PCDHA7: variants seen among roughly 807,000 people sequenced by gnomAD.
PCDHA7 encodes the protein protocadherin alpha-7.
In PCDHA7, 37 loss-of-function variants were observed where a neutral mutation model predicts 57.2. The ratio of observed to expected loss-of-function variants is 0.65; its 90% CI spans 0.50 to 0.85. The LOEUF (loss-of-function observed/expected upper bound fraction) is 0.85. Ranked by LOEUF, PCDHA7 falls within the 40% of genes least tolerant of loss-of-function variation. The probability of loss-of-function intolerance (pLI) is 0.00; values close to 1 mark genes in which losing one functional copy is unlikely to be tolerated. For missense variants in PCDHA7, 1,188 were observed against 1,241.8 expected (o/e 0.96, Z 0.65); for synonymous variants, 553 against 558.8 (o/e 0.99, Z 0.15).
intron 1 of PCDHA7, chr5:140,884,087 CT>C (rs782425411): frequency 6.2e-7 from 1 of 1,613,564 alleles, no homozygotes; most frequent in South Asian, 1.1e-5. Context: ...CAATGCGTGG[CT>C]TTCGTATGAA....
Position 141,010,554 on chromosome 5 carries a change from C to G in PCDHA7, c.*617C>G. On this transcript the variant is annotated 3_prime_UTR_variant, in exon 4 of 4. Transcript: ENST00000525929. ...CACCCTCTAGGAGACAAAACTACCC[C>G]CACTGACAAGGCTTTAGGAGACCCT... The G allele has an allele frequency of 3.1e-6, 1 of 322,198 alleles. No individual in the cohort carries two copies. The highest frequency in any genetic ancestry group is 9.3e-4 in the Middle Eastern group (1 of 1,074). 20.0% of individuals were successfully genotyped at this position (322,198 alleles called of 1,614,324 possible).
chr5:140,953,002 T>C (rs1019745922), intron 1 of PCDHA7, among the ~76,000 whole-genome samples: 5 of 152,142 alleles, frequency 3.3e-5, no homozygotes, highest in African/African-American at 1.2e-4. Flanking sequence ...ACTCTCTCAC[T>C]ATTATGAGAA....
intron 1 of PCDHA7, among the ~76,000 whole-genome samples, chr5:140,914,843 A>G (rs1269507537): frequency 6.6e-6 from 1 of 152,142 alleles, no homozygotes; most frequent in Non-Finnish European, 1.5e-5. Context: ...CAAACACACA[A>G]AAGGAAGACT....
chr5:140,862,862 C>T (rs782494104), intron 1 of PCDHA7: 1 of 507,446 alleles, frequency 2.0e-6, no homozygotes, highest in African/African-American at 3.1e-5. Flanking sequence ...AGCAATGTGA[C>T]GCTGCCAGGT....
At chr5:140,888,011 A>G (rs1554183291) in intron 1 of PCDHA7, among the ~76,000 whole-genome samples, 1 of 152,138 alleles carries the variant, frequency 6.6e-6, no homozygotes, top group African/African-American at 2.4e-5. Flanking sequence ...TCATCTTTTT[A>G]TCTATATGTT....
chr5:140,956,733 C>A (rs1412191742), intron 1 of PCDHA7, among the ~76,000 whole-genome samples: 1 of 152,172 alleles, frequency 6.6e-6, no homozygotes, highest in Non-Finnish European at 1.5e-5. Flanking sequence ...ACCAGCTCCT[C>A]TTTGTACCTC....
Position 140,842,885 on chromosome 5 carries a change from C to T in PCDHA7, c.2355+6147C>T. 2 of 1,594,162 alleles carry T rather than the reference C, an allele frequency of 1.3e-6. 1 individual carries two copies. The highest frequency in any genetic ancestry group is 1.7e-6 in the Non-Finnish European group (2 of 1,165,432). On this transcript the variant is annotated intron_variant, in intron 1 of 3. Coordinates refer to ENST00000525929, the MANE Select transcript of PCDHA7 (RefSeq NM_018910.3). Reference sequence around the variant, plus strand: ...GAGCGGCAAGGTGTACGCGCTGCAGCCGCTGGACCACGAGGAGCTAGAGCT... The same window carrying T: ...GAGCGGCAAGGTGTACGCGCTGCAGTCGCTGGACCACGAGGAGCTAGAGCT...
chr5:140,985,901 G>A (rs995663051), intron 3 of PCDHA7, among the ~76,000 whole-genome samples: 3 of 151,818 alleles, frequency 2.0e-5, no homozygotes, highest in Non-Finnish European at 2.9e-5. Flanking sequence ...CACCACTCCC[G>A]TCTAATTTTT....
intron 3 of PCDHA7, among the ~76,000 whole-genome samples, chr5:141,006,502 C>T (rs987435396): frequency 1.8e-4 from 28 of 152,118 alleles, no homozygotes; most frequent in African/African-American, 2.9e-4. Context: ...TGTGAGCCAC[C>T]GCGCCTGGCT....
At chr5:140,869,884 G>T in intron 1 of PCDHA7, 1 of 1,610,394 alleles carries the variant, frequency 6.2e-7, no homozygotes, top group Non-Finnish European at 8.5e-7. Flanking sequence ...AGAAACTCTT[G>T]TGCTCAAACT....
chr5:140,976,702 A>G (rs782610534), intron 1 of PCDHA7, among the ~76,000 whole-genome samples: 2 of 152,220 alleles, frequency 1.3e-5, no homozygotes, highest in Non-Finnish European at 2.9e-5. Context: ...AATAATGTTG[A>G]CTTTGCATTA....
intron 3 of PCDHA7, among the ~76,000 whole-genome samples, chr5:141,006,406 G>T (rs553100919): frequency 6.6e-6 from 1 of 151,932 alleles, no homozygotes; most frequent in African/African-American, 2.4e-5. Flanking sequence ...GTAGAGACGC[G>T]GTTTCACTGT....
At chr5:140,920,011 C>T (rs782647025) in intron 1 of PCDHA7, among the ~76,000 whole-genome samples, 2 of 152,088 alleles carry the variant, frequency 1.3e-5, no homozygotes, top group Non-Finnish European at 2.9e-5. Context: ...AAAGGCCATG[C>T]GAAGATGGAG....
intron 1 of PCDHA7, among the ~76,000 whole-genome samples, chr5:140,888,860 A>C (rs1349587487): frequency 6.6e-6 from 1 of 152,086 alleles, no homozygotes; most frequent in Non-Finnish European, 1.5e-5. Flanking sequence ...GAGTGAGACC[A>C]TGTCTCAACA....
chr5:140,953,364 G>T (rs1177357093), intron 1 of PCDHA7, among the ~76,000 whole-genome samples: 1 of 152,088 alleles, frequency 6.6e-6, no homozygotes, highest in Non-Finnish European at 1.5e-5. Flanking sequence ...TGCACTCAAG[G>T]ATTCTCTACC....
At chr5:140,871,380 T>G in intron 1 of PCDHA7, 1 of 1,614,184 alleles carries the variant, frequency 6.2e-7, no homozygotes, top group East Asian at 2.2e-5. Context: ...GGGTGTGCTC[T>G]GAGGAGGGCC....
intron 1 of PCDHA7, chr5:140,882,420 A>G: frequency 1.2e-6 from 2 of 1,614,046 alleles, no homozygotes; most frequent in Non-Finnish European, 1.7e-6. Flanking sequence ...ATCGCTCAGG[A>G]CCTGGGGCTG....
At chr5:140,880,512 C>T (rs1296325164) in intron 1 of PCDHA7, among the ~76,000 whole-genome samples, 4 of 152,314 alleles carry the variant, frequency 2.6e-5, no homozygotes, top group South Asian at 4.1e-4. Flanking sequence ...TGTTTGGTCA[C>T]ATCTCTCAAT....
Position 140,882,982 on chromosome 5 carries a change from C to T in PCDHA7, c.2355+46244C>T, listed in dbSNP as rs139888237. 2.9e-5 allele frequency: 47 copies of T among 1,614,148 alleles called. No individual in the cohort carries two copies. The East Asian group carries it at 3.6e-4, about 12-fold the overall frequency. On this transcript the variant is annotated intron_variant, in intron 1 of 3. Coordinates refer to ENST00000525929, the MANE Select transcript of PCDHA7 (RefSeq NM_018910.3). The stretch of plus-strand genomic sequence containing the variant: ...TCACGATTCTGGACGTGAATGACAA[C>T]GCCCCGGAATTTTACCAATCCGTTT...
Sources: allele counts gnomAD v4.1 joint callset (sites outside exome capture counted in the v4.1 genomes callset), GRCh38; gene constraint gnomAD v4.1.1; transcripts MANE v1.5; gene names NCBI Gene and HGNC (gene_info 2026-07-23, HGNC 2026-07-21).